The following PALLD variants were observed in gnomAD, a reference collection of about 807,000 sequenced individuals.
PALLD encodes palladin, cytoskeletal associated protein.
PALLD carries 61 observed loss-of-function variants against 123.5 expected under a neutral mutation model. That is an observed-to-expected ratio of 0.49 (90% CI 0.40 to 0.61). The LOEUF is 0.61. Ranked by LOEUF, PALLD falls within the 20% of genes least tolerant of loss-of-function variation. The pLI, the probability that PALLD is intolerant of heterozygous loss-of-function variation, is 0.00. For missense variants in PALLD, 1,273 were observed against 1,377.0 expected (o/e 0.92, Z 1.20); for synonymous variants, 465 against 496.4 (o/e 0.94, Z 0.84).
chr4:168,599,748 C>G (rs1025547422), intron 2 of PALLD, among the ~76,000 whole-genome samples: 2 of 152,044 alleles, frequency 1.3e-5, no homozygotes, highest in African/African-American at 4.8e-5. Context: ...GCACTCCTGA[C>G]TGGGCAACAT....
chr4:168,673,810 G>A (rs934070681), intron 3 of PALLD, among the ~76,000 whole-genome samples: 2 of 152,112 alleles, frequency 1.3e-5, no homozygotes, highest in Non-Finnish European at 2.9e-5. Context: ...GGACAACGGT[G>A]CCAATCTCTG....
At chr4:168,571,075 A>G (rs747523421) in intron 2 of PALLD, among the ~76,000 whole-genome samples, 4 of 152,084 alleles carry the variant, frequency 2.6e-5, no homozygotes, top group Non-Finnish European at 5.9e-5. Context: ...GTTCTCATCT[A>G]AAGAAAAAAC....
chr4:168,836,606 C>T (rs531909610), intron 10 of PALLD, among the ~76,000 whole-genome samples: 9 of 152,280 alleles, frequency 5.9e-5, no homozygotes, highest in African/African-American at 1.7e-4. Context: ...AGGCCCGCCA[C>T]ATTAGAGAAC....
intron 10 of PALLD, among the ~76,000 whole-genome samples, chr4:168,746,938 A>T (rs935370505): frequency 5.5e-4 from 84 of 152,340 alleles, no homozygotes; most frequent in African/African-American, 1.9e-3. Context: ...TGATCAGATA[A>T]CCATGCATAG....
At chr4:168,685,987 T>C (rs1051316483) in intron 6 of PALLD, among the ~76,000 whole-genome samples, 1 of 152,104 alleles carries the variant, frequency 6.6e-6, no homozygotes, top group African/African-American at 2.4e-5. Flanking sequence ...TCAGAAATGC[T>C]TCCATATAGC....
At chr4:168,646,804 G>A (rs1777503607) in intron 2 of PALLD, among the ~76,000 whole-genome samples, 1 of 152,316 alleles carries the variant, frequency 6.6e-6, no homozygotes, top group Non-Finnish European at 1.5e-5. Context: ...TGAGGATAGT[G>A]TCTAAGTCTC....
At chr4:168,576,008 T>C (rs183170793) in intron 2 of PALLD, among the ~76,000 whole-genome samples, 7 of 152,216 alleles carry the variant, frequency 4.6e-5, no homozygotes, top group Admixed American at 3.9e-4. Flanking sequence ...TAGTCCACAA[T>C]TGGAGGAAAA....
At chr4:168,706,100 A>G (rs761920981) in intron 8 of PALLD, among the ~76,000 whole-genome samples, 16 of 152,198 alleles carry the variant, frequency 1.1e-4, no homozygotes, top group Non-Finnish European at 2.4e-4. Context: ...TGTGCAGCAG[A>G]TGTCTAGAAC....
At chr4:168,774,727 C>CAAAAAAAA (rs56364164) in intron 10 of PALLD, among the ~76,000 whole-genome samples, 9,123 of 72,418 alleles carry the variant, frequency 0.13, 1,083 homozygotes, top group African/African-American at 0.26. Flanking sequence ...GACTGCATCT[C>CAAAAAAAA]AAAAAAAAAA....
intron 10 of PALLD, among the ~76,000 whole-genome samples, chr4:168,882,219 C>G (rs915843815): frequency 6.6e-6 from 1 of 152,184 alleles, no homozygotes; most frequent in Non-Finnish European, 1.5e-5. Flanking sequence ...CATTGTCGCT[C>G]TCTTTCTCCC....
chr4:168,755,484 A>G (rs911324336), intron 10 of PALLD, among the ~76,000 whole-genome samples: 1 of 152,110 alleles, frequency 6.6e-6, no homozygotes, highest in African/African-American at 2.4e-5. Context: ...CTGTCAGAGT[A>G]CATAGGGCAT....
intron 15 of PALLD, among the ~76,000 whole-genome samples, chr4:168,910,193 T>C (rs938760547): frequency 1.3e-5 from 2 of 151,614 alleles, no homozygotes; most frequent in African/African-American, 4.8e-5. Context: ...TGTGTGACCT[T>C]TCCAGAGTAG....
intron 10 of PALLD, among the ~76,000 whole-genome samples, chr4:168,742,630 C>T (rs573625594): frequency 6.6e-6 from 1 of 152,240 alleles, no homozygotes; most frequent in South Asian, 2.1e-4. Context: ...CAGTGTTTCC[C>T]AACTATGGTG....
At position 168,921,577 on chromosome 4, in the gene PALLD, G is replaced by A. The variant is rs760392120; in HGVS notation, c.2894G>A (p.Gly965Glu). The A allele has an allele frequency of 2.2e-5, 35 of 1,608,976 alleles. No individual in the cohort carries two copies. The highest frequency in any genetic ancestry group is 1.1e-5 in the Non-Finnish European group (13 of 1,179,004). The change falls in exon 18 of 22, where the codon GGA (glycine) becomes GAA (glutamate). Residue 965 changes from glycine to glutamate, a missense_variant. By Grantham distance (98) the Gly-to-Glu change is moderately conservative. Coordinates refer to ENST00000505667, the MANE Select transcript of PALLD (RefSeq NM_001166108.2). ...PTPDLSWQLDGKPVRPDSAHK... is the reference protein window; with the variant it reads ...PTPDLSWQLDEKPVRPDSAHK... ...CCAGATCTAAGCTGGCAACTAGATG[G>A]AAAGCCCGTACGCCCTGACAGTGCT...
chr4:168,716,947 G>C (rs768044487), intron 10 of PALLD, among the ~76,000 whole-genome samples: 2 of 152,090 alleles, frequency 1.3e-5, no homozygotes, highest in African/African-American at 4.8e-5. Context: ...AGAATGTTCT[G>C]CCTCTTATGG....
In PALLD at chr4:168,512,416, T is replaced by C. The variant is rs746557508; in HGVS notation, c.908+4T>C. 3 of 1,611,644 alleles carry C rather than the reference T, an allele frequency of 1.9e-6. No individual in the cohort carries two copies. Among genetic ancestry groups the C allele is most frequent in the Non-Finnish European group, 1.7e-6 (2 of 1,178,762 alleles). Reference sequence around the variant, plus strand: ...GAAACCCCACTCCTCGAGTCAGGTATGAATTTTTGTATTATGCATAGCAAA... The same window carrying C: ...GAAACCCCACTCCTCGAGTCAGGTACGAATTTTTGTATTATGCATAGCAAA... On this transcript the variant is annotated splice_donor_region_variant and intron_variant, in intron 2 of 21. Coordinates refer to ENST00000505667, the MANE Select transcript of PALLD (RefSeq NM_001166108.2).
intron 2 of PALLD, among the ~76,000 whole-genome samples, chr4:168,547,743 A>T (rs889933470): frequency 6.6e-6 from 1 of 151,646 alleles, no homozygotes; most frequent in Non-Finnish European, 1.5e-5. Context: ...AGGTCGAGAT[A>T]GAGACCATCC....
rs115103284 is a variant in PALLD, at chr4:168,644,545, G to A, written c.909-23645G>A. On this transcript the variant is annotated intron_variant, in intron 2 of 21. Coordinates refer to ENST00000505667, the MANE Select transcript of PALLD (RefSeq NM_001166108.2). ...CACCTGTTCCGTCCCATCATCCAGCGTTGCCCCTGTGGCCCTAAGGGTTGA... is the reference window on the plus strand; with the variant it reads ...CACCTGTTCCGTCCCATCATCCAGCATTGCCCCTGTGGCCCTAAGGGTTGA... Among the ~76,000 whole-genome samples the A allele has an allele frequency of 5.2e-3, 794 of 152,194 alleles. 4 individuals carry two copies. The highest frequency in any genetic ancestry group is 0.017 in the African/African-American group (722 of 41,526).
At chr4:168,773,249 C>T (rs922746018) in intron 10 of PALLD, among the ~76,000 whole-genome samples, 6 of 152,164 alleles carry the variant, frequency 3.9e-5, no homozygotes, top group East Asian at 1.9e-4. Context: ...TCTGAACCCC[C>T]GAGCCTGCCC....
Sources: allele counts gnomAD v4.1 joint callset (sites outside exome capture counted in the v4.1 genomes callset), GRCh38; gene constraint gnomAD v4.1.1; transcripts MANE v1.5; gene names NCBI Gene and HGNC (gene_info 2026-07-23, HGNC 2026-07-21).